TET3: variants seen among roughly 807,000 people sequenced by gnomAD.
The protein encoded by TET3 is methylcytosine dioxygenase TET3.
Under a neutral mutation model 141.4 loss-of-function variants are expected in TET3, and 19 were observed. The observed-to-expected ratio is 0.13, with a 90% confidence interval of 0.09 to 0.20. TET3 has a LOEUF of 0.20. TET3 is among the 10% of genes least tolerant of loss of function. TET3 has a pLI of 1.00. For synonymous variants in TET3, 1,043 were observed against 980.9 expected (o/e 1.06, Z -1.18); for missense variants, 1,874 against 2,356.9 (o/e 0.80, Z 4.24).
At chr2:74,043,853 T>A (rs2103650112) in intron 3 of TET3, among the ~76,000 whole-genome samples, 1 of 152,232 alleles carries the variant, frequency 6.6e-6, no homozygotes, top group South Asian at 2.1e-4. Flanking sequence ...GGCATCTTTT[T>A]AGCCACCTAC....
At chr2:74,117,396 G>A in the TET3 span, among the ~76,000 whole-genome samples, 1 of 151,962 alleles carries the variant, frequency 6.6e-6, no homozygotes, top group East Asian at 1.9e-4. Flanking sequence ...ATTTTTTAAA[G>A]ACAAGGTCTT....
chr2:73,997,938 A>C (rs772906550), intron 2 of TET3, among the ~76,000 whole-genome samples: 3 of 152,168 alleles, frequency 2.0e-5, no homozygotes, highest in Non-Finnish European at 4.4e-5. Context: ...GGGCCCATAG[A>C]GGCCAGCCAG....
chr2:74,000,898 A>G (rs1028011225), intron 2 of TET3, among the ~76,000 whole-genome samples: 2 of 152,126 alleles, frequency 1.3e-5, no homozygotes, highest in Admixed American at 6.5e-5. Flanking sequence ...AAACTGTGGC[A>G]GCCGCTGCAG....
intron 3 of TET3, among the ~76,000 whole-genome samples, chr2:74,011,970 G>GT (rs1465517989): frequency 1.3e-5 from 2 of 151,844 alleles, no homozygotes; most frequent in African/African-American, 4.8e-5. Flanking sequence ...TTTGTTTTTT[G>GT]TTTTTTGTGA....
intron 3 of TET3, among the ~76,000 whole-genome samples, chr2:74,032,037 G>A (rs1387025438): frequency 6.6e-6 from 1 of 152,196 alleles, no homozygotes; most frequent in African/African-American, 2.4e-5. Flanking sequence ...GGAATTGTTG[G>A]AAGAATAGAA....
the TET3 span, among the ~76,000 whole-genome samples, chr2:74,115,146 A>G: frequency 2.0e-5 from 3 of 152,322 alleles, no homozygotes; most frequent in South Asian, 6.2e-4. Flanking sequence ...TAAAGTTGAA[A>G]CAATCAGCAG....
intron 2 of TET3, among the ~76,000 whole-genome samples, chr2:73,991,217 T>G (rs1425173081): frequency 6.6e-6 from 1 of 152,072 alleles, no homozygotes; most frequent in East Asian, 1.9e-4. Flanking sequence ...GTCTTTCAAA[T>G]GCAAGCGGTT....
intron 3 of TET3, among the ~76,000 whole-genome samples, chr2:74,031,600 C>T (rs1214999944): frequency 6.6e-6 from 1 of 152,106 alleles, no homozygotes; most frequent in Non-Finnish European, 1.5e-5. Context: ...AATTTGTGCT[C>T]CCCAATTTCC....
chr2:74,074,799 A>G (rs981572636), intron 5 of TET3, among the ~76,000 whole-genome samples: 1 of 152,262 alleles, frequency 6.6e-6, no homozygotes, highest in African/African-American at 2.4e-5. Context: ...GTAGATAGTC[A>G]TTAACTACCT....
chr2:74,122,840 G>C, the TET3 span, among the ~76,000 whole-genome samples: 1 of 151,666 alleles, frequency 6.6e-6, no homozygotes, highest in Admixed American at 6.6e-5. Flanking sequence ...TTACAGGCAT[G>C]AGCCACCGTG....
rs542402431 is a variant in TET3 at position 74,000,523 on chromosome 2, G to A, written c.304-2587G>A. On this transcript the variant is annotated intron_variant, in intron 2 of 11. Transcript: ENST00000409262. ...TTAAACTAAGTCTTGTACCACATTAGCTTGCCAGGTCGGGGGAGGTGCGGA... is the reference window on the plus strand; with the variant it reads ...TTAAACTAAGTCTTGTACCACATTAACTTGCCAGGTCGGGGGAGGTGCGGA... 4.6e-5 allele frequency among the ~76,000 whole-genome samples: 7 copies of A among 152,248 alleles called. No individual in the cohort carries two copies. The South Asian group carries it at 1.4e-3, about 32-fold the overall frequency.
intron 3 of TET3, among the ~76,000 whole-genome samples, chr2:74,018,494 T>C (rs1265432120): frequency 6.6e-6 from 1 of 152,224 alleles, no homozygotes; most frequent in African/African-American, 2.4e-5. Context: ...TATTTTTGCA[T>C]GCGATATAAG....
chr2:74,042,306 A>G (rs1028956814), intron 3 of TET3, among the ~76,000 whole-genome samples: 1 of 152,206 alleles, frequency 6.6e-6, no homozygotes, highest in East Asian at 1.9e-4. Context: ...AATTCAAGCA[A>G]TTAATAAGTA....
intron 5 of TET3, among the ~76,000 whole-genome samples, chr2:74,077,635 TG>T (rs1300387651): frequency 3.3e-5 from 5 of 152,236 alleles, no homozygotes; most frequent in Non-Finnish European, 5.9e-5. Context: ...TTTTTGTTTT[TG>T]TTTTTTTAAG....
In TET3 at chr2:74,102,280, T is replaced by C; in HGVS notation, c.*104T>C. The C allele has an allele frequency of 1.5e-6, 2 of 1,351,576 alleles. No individual in the cohort carries two copies. Among genetic ancestry groups the C allele is most frequent in the Non-Finnish European group, 1.9e-6 (2 of 1,053,922 alleles). 83.7% of individuals were successfully genotyped at this position (1,351,576 alleles called of 1,614,324 possible). Reference sequence around the variant, plus strand: ...GCGGGTTGGGGGTGCAGAAGTCTTTTTATCTCTATATACATATATAGATGC... The same window carrying C: ...GCGGGTTGGGGGTGCAGAAGTCTTTCTATCTCTATATACATATATAGATGC... On this transcript the variant is annotated 3_prime_UTR_variant, in exon 12 of 12. Transcript: ENST00000409262.
At chr2:74,080,911 C>T (rs1186791878) in intron 6 of TET3, among the ~76,000 whole-genome samples, 1 of 152,106 alleles carries the variant, frequency 6.6e-6, no homozygotes. Flanking sequence ...GGCTCAGGGC[C>T]GGAGGGGTAG....
At chr2:74,133,072 A>ATTTTTTTT in the TET3 span, among the ~76,000 whole-genome samples, 10 of 105,106 alleles carry the variant, frequency 9.5e-5, no homozygotes, top group South Asian at 3.0e-4. Flanking sequence ...TAATTTTTGT[A>ATTTTTTTT]TTTTTTTTTT....
At chr2:73,999,580 G>A (rs1684747922) in intron 2 of TET3, among the ~76,000 whole-genome samples, 1 of 152,096 alleles carries the variant, frequency 6.6e-6, no homozygotes, top group Non-Finnish European at 1.5e-5. Flanking sequence ...TCCTGAAAGC[G>A]AGTAAATCCA....
intron 3 of TET3, among the ~76,000 whole-genome samples, chr2:74,031,369 C>T (rs752552865): frequency 1.3e-5 from 2 of 152,270 alleles, no homozygotes; most frequent in Admixed American, 6.5e-5. Context: ...ATCACCCCGA[C>T]TCTCAGAAAC....
Sources: gnomAD v4.1 joint callset for allele counts (sites outside exome capture counted in the v4.1 genomes callset) on GRCh38, gnomAD v4.1.1 for gene constraint, MANE v1.5 for transcripts, NCBI Gene and HGNC (gene_info 2026-07-23, HGNC 2026-07-21) for gene names.